MYO16: variants seen among roughly 807,000 people sequenced by gnomAD.
MYO16 encodes the protein myosin XVI, also known as unconventional myosin-XVI.
In MYO16, 94 loss-of-function variants were observed where a neutral mutation model predicts 205.3. The ratio of observed to expected loss-of-function variants is 0.46; its 90% CI spans 0.39 to 0.54. The LOEUF is 0.54. MYO16 is among the 20% of genes least tolerant of loss of function. The pLI, the probability that MYO16 is intolerant of heterozygous loss-of-function variation, is 0.00. For missense variants in MYO16, 2,315 were observed against 2,387.5 expected, an observed-to-expected ratio of 0.97 and a Z score of 0.63; for synonymous variants, 988 against 954.0, an observed-to-expected ratio of 1.04 and a Z score of -0.66.
chr13:108,994,465 A>C (rs1019705099), intron 21 of MYO16, among the ~76,000 whole-genome samples: 4 of 152,140 alleles, frequency 2.6e-5, no homozygotes, highest in Non-Finnish European at 5.9e-5. Context: ...TACAAATCTC[A>C]TCTTTTGACG....
chr13:108,954,137 G>C (rs528607281), intron 16 of MYO16, among the ~76,000 whole-genome samples: 30 of 152,310 alleles, frequency 2.0e-4, no homozygotes, highest in Admixed American at 2.0e-3. Context: ...GTAAATTCTA[G>C]GCTAAAAAGT....
chr13:108,676,166 G>A (rs554463145), intron 2 of MYO16, among the ~76,000 whole-genome samples: 12 of 152,196 alleles, frequency 7.9e-5, no homozygotes, highest in African/African-American at 2.9e-4. Flanking sequence ...GAACGTTTTA[G>A]GCAATCATAT....
intron 2 of MYO16, among the ~76,000 whole-genome samples, chr13:108,685,880 T>C (rs1303749096): frequency 1.3e-5 from 2 of 152,170 alleles, no homozygotes; most frequent in East Asian, 1.9e-4. Context: ...ACCTCCTTAT[T>C]TGTGAGGGCA....
chr13:108,832,807 A>T (rs1388701115), intron 9 of MYO16, among the ~76,000 whole-genome samples: 7 of 152,202 alleles, frequency 4.6e-5, no homozygotes, highest in Non-Finnish European at 8.8e-5. Flanking sequence ...TTTTTTATTT[A>T]GTAATCTATA....
intron 2 of MYO16, among the ~76,000 whole-genome samples, chr13:108,694,461 T>A (rs905554615): frequency 6.6e-6 from 1 of 152,218 alleles, no homozygotes; most frequent in Admixed American, 6.5e-5. Flanking sequence ...CTTTAAAAAA[T>A]TTATTTATTA....
At position 108,853,842 on chromosome 13, in the gene MYO16, G is replaced by A. The variant is rs383108; in HGVS notation, c.1249-1601G>A. ...ATTGTGTTTCCTGCTTATAGAAATG[G>A]TTTGAACTCCAGTGCCATAAAGCTT... On this transcript the variant is annotated intron_variant, in intron 10 of 34. Transcript: ENST00000457511. Among the ~76,000 whole-genome samples, 1,165 of 151,954 alleles carry A rather than the reference G, an allele frequency of 7.7e-3. 6 individuals are homozygous for A. The highest frequency in any genetic ancestry group is 0.023 in the African/African-American group (967 of 41,426).
intron 2 of MYO16, among the ~76,000 whole-genome samples, chr13:108,703,708 T>C (rs1004852054): frequency 6.6e-6 from 1 of 152,162 alleles, no homozygotes; most frequent in Non-Finnish European, 1.5e-5. Flanking sequence ...AAGTATGTTC[T>C]CTCACCATAA....
chr13:108,787,313 G>A (rs1022801), intron 5 of MYO16, among the ~76,000 whole-genome samples: 48,800 of 151,960 alleles, frequency 0.32, 8,122 homozygotes, highest in African/African-American at 0.39. Context: ...ATACTGCAAT[G>A]AATGGTTTAA....
intron 28 of MYO16, among the ~76,000 whole-genome samples, chr13:109,116,188 ATT>A (rs1875673003): frequency 1.3e-5 from 2 of 152,220 alleles, no homozygotes; most frequent in African/African-American, 4.8e-5. Context: ...ATACCCAGGC[ATT>A]GCAACAAAGT....
intron 16 of MYO16, among the ~76,000 whole-genome samples, chr13:108,928,310 C>T (rs537451663): frequency 1.3e-5 from 2 of 152,316 alleles, no homozygotes; most frequent in African/African-American, 4.8e-5. Flanking sequence ...GGCGTCCATT[C>T]AGCTACTGGC....
At chr13:108,522,948 A>G in the MYO16 span, among the ~76,000 whole-genome samples, 1 of 152,188 alleles carries the variant, frequency 6.6e-6, no homozygotes, top group South Asian at 2.1e-4. Context: ...TCTTCAATAT[A>G]TGAACTTGGG....
intron 6 of MYO16, among the ~76,000 whole-genome samples, chr13:108,798,839 G>T (rs904523264): frequency 1.4e-5 from 2 of 147,472 alleles, no homozygotes; most frequent in Admixed American, 1.4e-4. Flanking sequence ...CCGAGTAGCT[G>T]GGACTACAGG....
rs186690826 is a variant in MYO16, at chr13:109,095,271, G to A, written c.3336-5514G>A. Among the ~76,000 whole-genome samples the A allele has an allele frequency of 1.6e-3, 240 of 152,334 alleles. 2 individuals carry two copies. The highest frequency in any genetic ancestry group is 0.015 in the Admixed American group (222 of 15,310). On this transcript the variant is annotated intron_variant, in intron 27 of 34. Transcript: ENST00000457511. ...TTGAGGCGACCTGTGTGTCTTGGATGACAGACGCTGGGACAGTGTGGGGAG... is the reference window on the plus strand; with the variant it reads ...TTGAGGCGACCTGTGTGTCTTGGATAACAGACGCTGGGACAGTGTGGGGAG...
chr13:108,584,964 G>A, the MYO16 span, among the ~76,000 whole-genome samples: 1 of 152,000 alleles, frequency 6.6e-6, no homozygotes, highest in South Asian at 2.1e-4. Context: ...CTCTTTTTAG[G>A]CCCATAACAA....
intron 1 of MYO16, among the ~76,000 whole-genome samples, chr13:108,610,144 T>G (rs1262126092): frequency 6.6e-6 from 1 of 152,178 alleles, no homozygotes; most frequent in Admixed American, 6.5e-5. Context: ...AGACATTGTT[T>G]GTCCATCTGT....
intron 7 of MYO16, among the ~76,000 whole-genome samples, chr13:108,810,143 C>A (rs912028472): frequency 6.6e-6 from 1 of 152,158 alleles, no homozygotes; most frequent in African/African-American, 2.4e-5. Flanking sequence ...TATTTTTATC[C>A]TCTGCTTCGC....
At chr13:109,029,356 G>A (rs1886479320) in intron 23 of MYO16, among the ~76,000 whole-genome samples, 1 of 151,572 alleles carries the variant, frequency 6.6e-6, no homozygotes, top group Non-Finnish European at 1.5e-5. Context: ...CACTCTCCTC[G>A]GCCTCCCACC....
At chr13:108,887,954 C>T (rs392222) in intron 13 of MYO16, among the ~76,000 whole-genome samples, 2 of 152,070 alleles carry the variant, frequency 1.3e-5, no homozygotes, top group Non-Finnish European at 2.9e-5. Flanking sequence ...CATGCTGTCT[C>T]GGGATCGCCT....
At chr13:109,147,933 G>A (rs1877429659) in intron 32 of MYO16, among the ~76,000 whole-genome samples, 1 of 152,178 alleles carries the variant, frequency 6.6e-6, no homozygotes, top group Non-Finnish European at 1.5e-5. Context: ...TGGACATTAA[G>A]CAAGCAGGAG....
Sources: allele counts gnomAD v4.1 joint callset (sites outside exome capture counted in the v4.1 genomes callset), GRCh38; gene constraint gnomAD v4.1.1; transcripts MANE v1.5; gene names NCBI Gene and HGNC (gene_info 2026-07-23, HGNC 2026-07-21).